STARD3: variants seen among roughly 807,000 people sequenced by gnomAD.
The protein encoded by STARD3 is stAR-related lipid transfer protein 3.
In STARD3, 39 loss-of-function variants were observed where a neutral mutation model predicts 62.0. The ratio of observed to expected loss-of-function variants is 0.63; its 90% CI spans 0.49 to 0.82. The LOEUF (loss-of-function observed/expected upper bound fraction) is 0.82, where lower values mean the gene tolerates loss of function less well. Ranked by LOEUF, STARD3 falls within the 40% of genes least tolerant of loss-of-function variation. The probability of loss-of-function intolerance (pLI) is 0.00; values close to 1 mark genes in which losing one functional copy is unlikely to be tolerated. For missense variants in STARD3, 543 were observed against 584.5 expected (o/e 0.93, Z 0.73); for synonymous variants, 229 against 242.4 (o/e 0.94, Z 0.51).
intron 1 of STARD3, among the ~76,000 whole-genome samples, chr17:39,646,987 G>A (rs1171054945): frequency 2.0e-5 from 3 of 151,988 alleles, no homozygotes; most frequent in African/African-American, 4.8e-5. Context: ...GGATCACAAG[G>A]TCAAGAGATC....
rs1263674560 is a variant in STARD3, at chr17:39,663,551, G to C, written c.*643G>C. ...AGGCAGGCAGCAGCTTGGATGAAGA[G>C]GGAAGACCCCTCACACAGCCTCTCC... On this transcript the variant is annotated 3_prime_UTR_variant, in exon 15 of 15. Transcript: ENST00000336308. 1 of 152,562 alleles carries C rather than the reference G, an allele frequency of 6.6e-6. No homozygotes were observed. The highest frequency in any genetic ancestry group is 2.4e-5 in the African/African-American group (1 of 41,414). 9.5% of individuals were successfully genotyped at this position (152,562 alleles called of 1,614,324 possible).
chr17:39,658,055 G>GT (rs1319809839), intron 5 of STARD3, 29 bp downstream of exon 5: 2 of 1,550,438 alleles, frequency 1.3e-6, no homozygotes, highest in African/African-American at 2.7e-5. Flanking sequence ...GGCCAGTCTG[G>GT]TGGGCATCAG....
chr17:39,660,200 C>G lies in STARD3; in HGVS notation c.796-11C>G. 1.2e-6 allele frequency: 2 copies of G among 1,613,930 alleles called. No homozygotes were observed. The highest frequency in any genetic ancestry group is 1.7e-6 in the Non-Finnish European group (2 of 1,179,896). On this transcript the variant is annotated splice_polypyrimidine_tract_variant and intron_variant, in intron 9 of 14. Coordinates refer to ENST00000336308, the MANE Select transcript of STARD3 (RefSeq NM_006804.4). The surrounding 1 kb of genome is among the most constrained non-coding windows in gnomAD (Gnocchi z 4.8). ...CACTCTCCTCCCTGCCACCTTCTGT[C>G]CCTGCCATAGGAATATGGGGACACC...
At chr17:39,653,936 G>C (rs2057102396) in intron 2 of STARD3, among the ~76,000 whole-genome samples, 186 bp downstream of exon 2, 2 of 152,214 alleles carry the variant, frequency 1.3e-5, no homozygotes, top group Non-Finnish European at 2.9e-5. Flanking sequence ...CGGAGGGGTT[G>C]TGTCATTTGG....
chr17:39,657,744 C>T (rs771870307), intron 3 of STARD3, 31 bp from the exon 4 acceptor site: 7 of 1,613,002 alleles, frequency 4.3e-6, no homozygotes, highest in East Asian at 4.5e-5. Flanking sequence ...CAGTAGCTTC[C>T]TGTGACTGCC....
At chr17:39,653,837 C>T (rs1327263884) in intron 2 of STARD3, 87 bp downstream of exon 2, 3 of 1,502,960 alleles carry the variant, frequency 2.0e-6, no homozygotes, top group Non-Finnish European at 2.7e-6. Flanking sequence ...AGGGCTGCCT[C>T]TCCCCTGGGG....
intron 2 of STARD3, 79 bp from the exon 3 acceptor site, chr17:39,656,929 C>T (rs2057135838): frequency 7.0e-7 from 1 of 1,427,978 alleles, no homozygotes; most frequent in Admixed American, 1.7e-5. Context: ...TCCCCTACCT[C>T]TTGCCCCTTC....
In STARD3 at chr17:39,658,075, G is replaced by A. The variant is rs1250700172; in HGVS notation, c.429+49G>A. ...GTCTGGTGGGCATCAGACCTGAGTGGTATGCTTCTAGAGAGGAGCATTTCT... is the reference window on the plus strand; with the variant it reads ...GTCTGGTGGGCATCAGACCTGAGTGATATGCTTCTAGAGAGGAGCATTTCT... On this transcript the variant is annotated intron_variant, in intron 5 of 14. Transcript: ENST00000336308. 6 of 1,536,612 alleles carry A rather than the reference G, an allele frequency of 3.9e-6. No individual in the cohort carries two copies. In the East Asian group the frequency reaches 7.3e-5, roughly 19 times the overall value.
At chr17:39,641,407 T>C (rs2056981858) in intron 1 of STARD3, among the ~76,000 whole-genome samples, 1 of 151,658 alleles carries the variant, frequency 6.6e-6, no homozygotes, top group Non-Finnish European at 1.5e-5. Flanking sequence ...ATCGCGCCTG[T>C]GAACAGCCAC....
At chr17:39,639,322 G>A (rs2144880994) in intron 1 of STARD3, among the ~76,000 whole-genome samples, 1 of 152,308 alleles carries the variant, frequency 6.6e-6, no homozygotes, top group Admixed American at 6.5e-5. Flanking sequence ...AGTGAAAAAG[G>A]CTCAGACCTG....
rs1393961526 is a variant in STARD3, at chr17:39,658,531, T to C, written c.547+9T>C. ...AGCTGAAGAGGAGCGATGTGAGTGC[T>C]TGCGGGTAGGGGGGTGCAGCGAGGG... is the stretch of plus-strand genomic sequence containing the variant. On this transcript the variant is annotated intron_variant, in intron 6 of 14. Transcript: ENST00000336308. The C allele has an allele frequency of 6.2e-7, 1 of 1,612,608 alleles. No individual in the cohort carries two copies.
chr17:39,638,934 G>T (rs2056959644), intron 1 of STARD3, among the ~76,000 whole-genome samples: 1 of 152,092 alleles, frequency 6.6e-6, no homozygotes, highest in South Asian at 2.1e-4. Flanking sequence ...GAGGCCAGGG[G>T]TTTGCAACTA....
At position 39,658,735 on chromosome 17, in the gene STARD3, C is replaced by T. The variant is rs1441155305; in HGVS notation, c.561C>T (p.Ala187=). ...CTGCTCCTCCAGGGTATCTTGCCGC[C>T]CAGGTTGCTGTTGCCCGTGGACCCC... ...EAEEERWYLA[A]QVAVARGPLL... is the part of the protein sequence containing the mutation. The change falls in exon 7 of 15, where the codon GCC becomes GCT. Residue 187 remains alanine, a synonymous_variant. Transcript: ENST00000336308. 1 of 1,613,970 alleles carries T rather than the reference C, an allele frequency of 6.2e-7. No individual in the cohort carries two copies. Among genetic ancestry groups the T allele is most frequent in the East Asian group, 2.2e-5 (1 of 44,856 alleles).
chr17:39,656,995 C>A lies in STARD3; in HGVS notation c.220-13C>A, dbSNP rs774114584. ...CTTCTACCTGCAGAGCTCTTCCTGT[C>A]TCCCTCTCACAGACCAACACAGGCA... On this transcript the variant is annotated splice_polypyrimidine_tract_variant and intron_variant, in intron 2 of 14. Coordinates refer to ENST00000336308, the MANE Select transcript of STARD3 (RefSeq NM_006804.4). 6.2e-7 allele frequency: 1 copy of A among 1,614,014 alleles called. No individual in the cohort carries two copies. Among genetic ancestry groups the A allele is most frequent in the Non-Finnish European group, 8.5e-7 (1 of 1,179,924 alleles).
chr17:39,641,453 CTT>C (rs1018877900), intron 1 of STARD3, among the ~76,000 whole-genome samples: 35 of 150,528 alleles, frequency 2.3e-4, no homozygotes, highest in African/African-American at 7.6e-4. Flanking sequence ...AGACCTGTCT[CTT>C]AAAAAAAAAA....
chr17:39,641,372 G>C (rs927589233), intron 1 of STARD3, among the ~76,000 whole-genome samples: 2 of 152,028 alleles, frequency 1.3e-5, no homozygotes, highest in African/African-American at 4.8e-5. Context: ...TTGAGCCCAG[G>C]AGTTTGAGAC....
At chr17:39,659,637 A>C in intron 9 of STARD3, 84 bp downstream of exon 9, 1 of 1,429,882 alleles carries the variant, frequency 7.0e-7, no homozygotes, top group Non-Finnish European at 9.7e-7. Flanking sequence ...AGAAACCCAA[A>C]GATTACATGG....
intron 1 of STARD3, chr17:39,653,184 A>T: frequency 2.7e-6 from 1 of 374,734 alleles, no homozygotes; most frequent in Non-Finnish European, 5.0e-6. Flanking sequence ...AGCCCCAGGG[A>T]TCCAGGAGGG....
chr17:39,663,972 A>G lies in STARD3; in HGVS notation c.*1064A>G, dbSNP rs918828161. Among the ~76,000 whole-genome samples the G allele has an allele frequency of 2.0e-5, 3 of 152,046 alleles. No homozygotes were observed. Among genetic ancestry groups the G allele is most frequent in the African/African-American group, 7.2e-5 (3 of 41,392 alleles). The stretch of plus-strand genomic sequence containing the variant: ...GGAGCCCGGATCGCAGGGCGGGGCC[A>G]GGCCACTGCCTGCCTTCCTCCTCCC... On this transcript the variant is annotated 3_prime_UTR_variant, in exon 15 of 15. Transcript: ENST00000336308.
Sources: allele counts gnomAD v4.1 joint callset (sites outside exome capture counted in the v4.1 genomes callset), GRCh38; gene constraint gnomAD v4.1.1; non-coding constraint Gnocchi (gnomAD v3.1); transcripts MANE v1.5; gene names NCBI Gene and HGNC (gene_info 2026-07-23, HGNC 2026-07-21).